The following ZNF451 variants were observed in gnomAD, a reference collection of about 807,000 sequenced individuals.
The protein encoded by ZNF451 is E3 SUMO-protein ligase ZNF451.
A neutral mutation model predicts 107.1 loss-of-function variants in ZNF451; 80 were observed. The observed-to-expected ratio is 0.75, with a 90% confidence interval of 0.62 to 0.90. The LOEUF is 0.90. Among genes scored for constraint, ZNF451 ranks in the 40% least tolerant of loss-of-function variants. The pLI, the probability that ZNF451 is intolerant of heterozygous loss-of-function variation, is 0.00. For missense variants in ZNF451, 1,107 were observed against 1,236.2 expected, an observed-to-expected ratio of 0.90 and a Z score of 1.57; for synonymous variants, 362 against 406.5, an observed-to-expected ratio of 0.89 and a Z score of 1.32.
Position 57,153,818 on chromosome 6 carries a change from C to T in ZNF451, c.2884-43C>T, listed in dbSNP as rs1024792942. The T allele has an allele frequency of 4.4e-6, 7 of 1,597,098 alleles. No individual in the cohort carries two copies. In the African/African-American group the frequency reaches 9.4e-5, roughly 21 times the overall value. On this transcript the variant is annotated intron_variant, in intron 12 of 14. Coordinates refer to ENST00000370706, the MANE Select transcript of ZNF451 (RefSeq NM_001031623.3). The stretch of plus-strand genomic sequence containing the variant: ...AATAGATGTAACTTGTTTTGAAACT[C>T]ATGCTGATTTTTTATCAACCTGTGC...
At chr6:57,137,909 A>G (rs1190025335) in intron 7 of ZNF451, among the ~76,000 whole-genome samples, 7 of 152,328 alleles carry the variant, frequency 4.6e-5, no homozygotes, top group African/African-American at 1.7e-4. Flanking sequence ...AGGCTTATTC[A>G]TATGGTAGCA....
intron 14 of ZNF451, among the ~76,000 whole-genome samples, chr6:57,163,757 A>G (rs551190848): frequency 5.9e-5 from 9 of 152,162 alleles, no homozygotes; most frequent in Non-Finnish European, 1.2e-4. Context: ...GCCTAAATGA[A>G]TAAACTTTTA....
chr6:57,120,007 A>G (rs1316936613), intron 3 of ZNF451, among the ~76,000 whole-genome samples: 2 of 152,166 alleles, frequency 1.3e-5, no homozygotes, highest in African/African-American at 4.8e-5. Flanking sequence ...ATGTGTAATG[A>G]CATGTATCTG....
intron 2 of ZNF451, among the ~76,000 whole-genome samples, chr6:57,092,463 C>G (rs934509033): frequency 5.3e-5 from 8 of 152,264 alleles, no homozygotes; most frequent in African/African-American, 1.9e-4. Context: ...TTTGACAGTT[C>G]CACATGGAGA....
Position 57,134,387 on chromosome 6 carries a change from T to C in ZNF451, c.576-357T>C, listed in dbSNP as rs1011451587. On this transcript the variant is annotated intron_variant, in intron 6 of 14. Coordinates refer to ENST00000370706, the MANE Select transcript of ZNF451 (RefSeq NM_001031623.3). The stretch of plus-strand genomic sequence containing the variant: ...ATGAGATTATTATTGCAGTGATGTA[T>C]TTAAAGTTAGTTGTGAGTCTTATGG... Among the ~76,000 whole-genome samples the C allele has an allele frequency of 2.0e-5, 3 of 152,176 alleles. No individual in the cohort carries two copies. In the South Asian group the frequency reaches 6.2e-4, roughly 32 times the overall value.
intron 3 of ZNF451, among the ~76,000 whole-genome samples, chr6:57,112,381 TC>T (rs1199959918): frequency 6.6e-6 from 1 of 152,194 alleles, no homozygotes; most frequent in Non-Finnish European, 1.5e-5. Flanking sequence ...AGTTGGTTGT[TC>T]CTTTGAGCTT....
chr6:57,122,475 G>A (rs1830685674), intron 3 of ZNF451, among the ~76,000 whole-genome samples: 1 of 152,148 alleles, frequency 6.6e-6, no homozygotes, highest in Admixed American at 6.6e-5. Flanking sequence ...TGCAAAGTAT[G>A]CACCTGACAA....
chr6:57,158,925 A>T (rs1463687214), intron 13 of ZNF451: 5 of 985,346 alleles, frequency 5.1e-6, no homozygotes, highest in Non-Finnish European at 6.0e-6. Flanking sequence ...TCCATCTTAC[A>T]TATAGAGCAT....
At chr6:57,165,991 T>G (rs756956304) in intron 14 of ZNF451, among the ~76,000 whole-genome samples, 82 of 152,258 alleles carry the variant, frequency 5.4e-4, no homozygotes, top group East Asian at 1.2e-3. Context: ...TACTGTACTC[T>G]ACTGTAGATT....
chr6:57,140,031 A>G (rs919292156), intron 7 of ZNF451, among the ~76,000 whole-genome samples: 6 of 152,170 alleles, frequency 3.9e-5, no homozygotes, highest in African/African-American at 9.7e-5. Flanking sequence ...TCAAAAATAA[A>G]TAAAGAAGAC....
At chr6:57,103,355 A>G (rs1389326744) in intron 3 of ZNF451, 2 of 985,324 alleles carry the variant, frequency 2.0e-6, no homozygotes, top group East Asian at 1.1e-4. Context: ...TTTAAGTGAT[A>G]CGCTCTTGGT....
Position 57,099,085 on chromosome 6 carries a change from G to C in ZNF451, c.130G>C (p.Glu44Gln). The change falls in exon 3 of 15, where the codon GAA becomes CAA. Residue 44 changes from glutamate to glutamine, a missense_variant. By Grantham distance (29) the Glu-to-Gln change is conservative. This residue lies in a region of ZNF451 where 339 missense variants were observed against 372.8 expected (regional missense o/e 0.91). Coordinates refer to ENST00000370706, the MANE Select transcript of ZNF451 (RefSeq NM_001031623.3). ...VSEGPLRPVL[E>Q]YIDLVSSDDE... ...GGAAGGACCATTACGACCTGTTCTTGAATACATTGATCTGGTCAGCAGTGA... is the reference window on the plus strand; with the variant it reads ...GGAAGGACCATTACGACCTGTTCTTCAATACATTGATCTGGTCAGCAGTGA... 6.2e-7 allele frequency: 1 copy of C among 1,613,668 alleles called. No individual in the cohort carries two copies. The highest frequency in any genetic ancestry group is 8.5e-7 in the Non-Finnish European group (1 of 1,179,734).
intron 2 of ZNF451, among the ~76,000 whole-genome samples, chr6:57,091,730 T>C (rs1324374677): frequency 2.6e-5 from 4 of 152,226 alleles, no homozygotes; most frequent in African/African-American, 9.6e-5. Context: ...AACTCGTCTT[T>C]TGGAATGCCG....
At chr6:57,141,703 T>C (rs1562617670) in intron 8 of ZNF451, among the ~76,000 whole-genome samples, 1 of 152,188 alleles carries the variant, frequency 6.6e-6, no homozygotes, top group Admixed American at 6.5e-5. Flanking sequence ...GATAATGTTA[T>C]GTTATATCAT....
chr6:57,138,302 G>A (rs1024808481), intron 7 of ZNF451, among the ~76,000 whole-genome samples: 1 of 148,480 alleles, frequency 6.7e-6, no homozygotes, highest in African/African-American at 2.5e-5. Flanking sequence ...TCGCTGTCTT[G>A]TGCAGGCTGG....
rs753080140 is a variant in ZNF451, at chr6:57,134,793, T to A, written c.625T>A (p.Phe209Ile). The change falls in exon 7 of 15, where the codon TTC becomes ATC. Residue 209 changes from phenylalanine (F) to isoleucine (I), a missense_variant. Phe to Ile is a conservative substitution (Grantham distance 21). Around this residue, in one of 5 missense-constraint regions of ZNF451, gnomAD observed 339 missense variants for 372.8 expected, o/e 0.91. Transcript: ENST00000370706. Reference sequence around the variant, plus strand: ...AACAATTACACTACATGGACCTTTCTTCAGCTCCTTTGCTTGTGTAGTATG... The same window carrying A: ...AACAATTACACTACATGGACCTTTCATCAGCTCCTTTGCTTGTGTAGTATG... The part of the protein sequence containing the change: ...DPTITLHGPF[F>I]SSFACVVCYK... The A allele has an allele frequency of 1.9e-6, 3 of 1,613,108 alleles. No individual in the cohort carries two copies. The highest frequency in any genetic ancestry group is 2.5e-6 in the Non-Finnish European group (3 of 1,179,648).
intron 4 of ZNF451, 58 bp downstream of exon 4, chr6:57,124,917 G>T: frequency 1.7e-6 from 2 of 1,196,150 alleles, no homozygotes; most frequent in South Asian, 2.5e-5. Context: ...TAATAAAGTT[G>T]GTAAAAAGCC....
chr6:57,155,087 A>G (rs1391030176), intron 13 of ZNF451, among the ~76,000 whole-genome samples: 1 of 152,170 alleles, frequency 6.6e-6, no homozygotes, highest in Non-Finnish European at 1.5e-5. Context: ...TTGTGTCTTT[A>G]TGTCATGCCT....
chr6:57,122,542 A>G (rs1240661082), intron 3 of ZNF451, among the ~76,000 whole-genome samples: 6 of 152,210 alleles, frequency 3.9e-5, no homozygotes, highest in South Asian at 4.1e-4. Flanking sequence ...AAAAAAACCA[A>G]TTCCATTGAA....
Sources: gnomAD v4.1 joint callset for allele counts (sites outside exome capture counted in the v4.1 genomes callset) on GRCh38, gnomAD v4.1.1 for gene constraint, gnomAD v4.1.1 regional missense constraint, MANE v1.5 for transcripts, NCBI Gene and HGNC (gene_info 2026-07-23, HGNC 2026-07-21) for gene names.